The following MARCHF1 variants were observed in gnomAD, a reference collection of about 807,000 sequenced individuals.
MARCHF1 encodes the protein E3 ubiquitin-protein ligase MARCHF1.
MARCHF1 carries 40 observed loss-of-function variants against 54.2 expected under a neutral mutation model. The observed-to-expected ratio is 0.74, with a 90% confidence interval of 0.57 to 0.96. The LOEUF (loss-of-function observed/expected upper bound fraction) is 0.96. Among genes scored for constraint, MARCHF1 ranks in the 40% least tolerant of loss-of-function variants. MARCHF1 has a pLI of 0.00. For synonymous variants in MARCHF1, 236 were observed against 236.3 expected (o/e 1.00, Z 0.01); for missense variants, 586 against 656.5 (o/e 0.89, Z 1.17).
At chr4:163,921,044 T>C (rs970887621) in intron 3 of MARCHF1, among the ~76,000 whole-genome samples, 1 of 152,316 alleles carries the variant, frequency 6.6e-6, no homozygotes. Context: ...AGGTTCAAAT[T>C]GAATTATATC....
In MARCHF1 at chr4:163,612,532, C is replaced by A. The variant is rs151184934; in HGVS notation, c.749G>T (p.Gly250Val). Residue 250 changes from glycine to valine, a missense_variant, in exon 7 of 10, where the codon GGG becomes GTG. Physicochemically the swap from Gly to Val is moderately radical, Grantham distance 109 (BLOSUM62 -3). Coordinates refer to ENST00000514618, the MANE Select transcript of MARCHF1 (RefSeq NM_001394959.1). ...TGAGGATCTCTTAATTTCAGAGGAC[C>A]CTTGAGTCAGAGAAGGGTTGCATTC... ...YQECNPSLTQ[G>V]SSEIKRSSRN... 3 of 1,535,318 alleles carry A rather than the reference C, an allele frequency of 2.0e-6. No individual in the cohort carries two copies. The highest frequency in any genetic ancestry group is 2.7e-5 in the African/African-American group (2 of 73,020).
At chr4:163,738,320 G>T (rs1236004711) in intron 4 of MARCHF1, among the ~76,000 whole-genome samples, 1 of 152,160 alleles carries the variant, frequency 6.6e-6, no homozygotes, top group African/African-American at 2.4e-5. Flanking sequence ...GGGGCCATTT[G>T]AACTACTTGG....
At chr4:163,651,992 C>T (rs1210014887) in intron 5 of MARCHF1, among the ~76,000 whole-genome samples, 7 of 151,720 alleles carry the variant, frequency 4.6e-5, no homozygotes, top group Admixed American at 2.6e-4. Context: ...GATAATATGC[C>T]TGACTCATTC....
intron 1 of MARCHF1, among the ~76,000 whole-genome samples, chr4:164,208,834 A>C (rs1473649185): frequency 6.6e-6 from 1 of 152,078 alleles, no homozygotes; most frequent in Non-Finnish European, 1.5e-5. Context: ...TGTAAGTCCC[A>C]GCTTGTTGGG....
intron 2 of MARCHF1, among the ~76,000 whole-genome samples, chr4:164,072,925 A>T (rs1754899740): frequency 6.6e-6 from 1 of 152,220 alleles, no homozygotes; most frequent in Non-Finnish European, 1.5e-5. Context: ...CTCATGTCAA[A>T]TTAGTAGTAG....
At chr4:164,184,486 A>G (rs1264680874) in intron 1 of MARCHF1, among the ~76,000 whole-genome samples, 2 of 152,220 alleles carry the variant, frequency 1.3e-5, no homozygotes, top group Non-Finnish European at 2.9e-5. Context: ...ACAAAACACA[A>G]AAGGATACAC....
intron 1 of MARCHF1, among the ~76,000 whole-genome samples, chr4:164,235,486 C>CG (rs1200705990): frequency 2.0e-5 from 3 of 152,100 alleles, no homozygotes. Flanking sequence ...TCGTTTACTT[C>CG]TTAAGTTCTA....
chr4:163,737,226 T>A (rs1168925150), intron 4 of MARCHF1, among the ~76,000 whole-genome samples: 5 of 70,040 alleles, frequency 7.1e-5, no homozygotes, highest in African/African-American at 1.0e-4. Context: ...TTTTTTTTTT[T>A]TTATTATACT....
chr4:164,288,148 G>A (rs1208544850), intron 1 of MARCHF1, among the ~76,000 whole-genome samples: 1 of 152,064 alleles, frequency 6.6e-6, no homozygotes, highest in African/African-American at 2.4e-5. Flanking sequence ...CTCAAGGTAA[G>A]AGAATTAACG....
chr4:163,838,520 C>T (rs569240137), intron 4 of MARCHF1, among the ~76,000 whole-genome samples: 8 of 152,004 alleles, frequency 5.3e-5, no homozygotes, highest in South Asian at 2.1e-4. Flanking sequence ...GGATATTCAA[C>T]GATCTAAGTA....
chr4:163,996,379 G>C (rs1253387186), intron 2 of MARCHF1, among the ~76,000 whole-genome samples: 1 of 151,906 alleles, frequency 6.6e-6, no homozygotes, highest in Non-Finnish European at 1.5e-5. Context: ...ATTATAATTT[G>C]TATTTTCTGC....
At chr4:163,562,005 C>A (rs1353967587) in intron 8 of MARCHF1, among the ~76,000 whole-genome samples, 1 of 152,098 alleles carries the variant, frequency 6.6e-6, no homozygotes, top group East Asian at 1.9e-4. Flanking sequence ...CTATCAAAAA[C>A]AACACTCCAG....
At chr4:163,574,790 C>T (rs1348793361) in intron 8 of MARCHF1, among the ~76,000 whole-genome samples, 19 of 151,916 alleles carry the variant, frequency 1.3e-4, no homozygotes, top group East Asian at 3.9e-4. Context: ...ATTGACTTGG[C>T]GATGCGGGCT....
chr4:164,008,192 A>G lies in MARCHF1; in HGVS notation c.-247-19483T>C, dbSNP rs571666780. On this transcript the variant is annotated intron_variant, in intron 2 of 9. Transcript: ENST00000514618. Reference sequence around the variant, plus strand: ...AAAGAGCAGAAGTAGTTACACTAATATCAGATAAAACAGACTATAAATCTG... The same window carrying G: ...AAAGAGCAGAAGTAGTTACACTAATGTCAGATAAAACAGACTATAAATCTG... Among the ~76,000 whole-genome samples the G allele has an allele frequency of 4.6e-5, 7 of 152,216 alleles. No homozygotes were observed. In the South Asian group the frequency reaches 1.4e-3, roughly 31 times the overall value.
At chr4:163,607,165 T>C (rs1469832707) in intron 7 of MARCHF1, among the ~76,000 whole-genome samples, 2 of 152,096 alleles carry the variant, frequency 1.3e-5, no homozygotes, top group African/African-American at 4.8e-5. Context: ...GTTCGTGTGG[T>C]TAACATACCC....
chr4:163,929,539 T>G (rs959929601), intron 3 of MARCHF1, among the ~76,000 whole-genome samples: 30 of 152,130 alleles, frequency 2.0e-4, no homozygotes, highest in African/African-American at 7.0e-4. Flanking sequence ...GCCAATTAAG[T>G]ATTTTTTTTC....
intron 9 of MARCHF1, among the ~76,000 whole-genome samples, chr4:163,541,768 TTC>T (rs1182035338): frequency 2.0e-5 from 3 of 152,228 alleles, no homozygotes; most frequent in African/African-American, 7.2e-5. Context: ...ATATGTTGAC[TTC>T]TTTTAAGTTA....
intron 2 of MARCHF1, among the ~76,000 whole-genome samples, chr4:163,992,691 C>A (rs2110896349): frequency 6.6e-6 from 1 of 150,420 alleles, no homozygotes; most frequent in Non-Finnish European, 1.5e-5. Flanking sequence ...GGAAACCAGA[C>A]CCCAGACCTG....
intron 8 of MARCHF1, among the ~76,000 whole-genome samples, chr4:163,560,170 C>T (rs1008732286): frequency 1.3e-5 from 2 of 152,114 alleles, no homozygotes; most frequent in Non-Finnish European, 2.9e-5. Flanking sequence ...TAAAGGTTTT[C>T]TCCTTCGTTT....
Sources: allele counts gnomAD v4.1 joint callset (sites outside exome capture counted in the v4.1 genomes callset), GRCh38; gene constraint gnomAD v4.1.1; transcripts MANE v1.5; gene names NCBI Gene and HGNC (gene_info 2026-07-23, HGNC 2026-07-21).